PHLPP1: variants seen among roughly 807,000 people sequenced by gnomAD.
The protein encoded by PHLPP1 is PH domain leucine-rich repeat-containing protein phosphatase 1.
Under a neutral mutation model 117.2 loss-of-function variants are expected in PHLPP1, and 42 were observed. That is an observed-to-expected ratio of 0.36 (90% confidence interval 0.28 to 0.46). The LOEUF is 0.46. Ranked by LOEUF, PHLPP1 falls within the 20% of genes least tolerant of loss-of-function variation. PHLPP1 has a pLI of 1.00. For missense variants in PHLPP1, 2,084 were observed against 2,241.9 expected (o/e 0.93, Z 1.42); for synonymous variants, 1,042 against 970.7 (o/e 1.07, Z -1.37).
chr18:62,816,963 A>T (rs1914296638), intron 1 of PHLPP1, among the ~76,000 whole-genome samples: 1 of 152,182 alleles, frequency 6.6e-6, no homozygotes, highest in Non-Finnish European at 1.5e-5. Context: ...AATAGTAGAG[A>T]CAGGGTCTTG....
chr18:62,804,995 G>T (rs1226190783), intron 1 of PHLPP1, among the ~76,000 whole-genome samples: 3 of 135,172 alleles, frequency 2.2e-5, no homozygotes, highest in Admixed American at 7.4e-5. Flanking sequence ...ACACTGCATA[G>T]GTTATACATA....
Position 62,978,546 on chromosome 18 carries a change from T to C in PHLPP1, c.4269T>C (p.Ser1423=), listed in dbSNP as rs752306130. The C allele has an allele frequency of 6.2e-6, 10 of 1,611,964 alleles. No homozygotes were observed. Among genetic ancestry groups the C allele is most frequent in the Non-Finnish European group, 8.5e-6 (10 of 1,179,138 alleles). ...TCAGCGCTGTGGTGGTGCAGCTCAG[T>C]GTCACTGAGGACAGCTTCTGCTGCT... ...DSISAVVVQL[S]VTEDSFCCCE... Residue 1423 remains serine (S), a synonymous_variant, in exon 17 of 17, where the codon AGT becomes AGC. Coordinates refer to ENST00000262719, the MANE Select transcript of PHLPP1 (RefSeq NM_194449.4). This position sits in a 1 kb window ranked among gnomAD's most constrained non-coding sequence, Gnocchi z 7.0.
intron 10 of PHLPP1, among the ~76,000 whole-genome samples, chr18:62,931,878 GAAAA>G (rs61550621): frequency 1.3e-5 from 1 of 76,472 alleles, no homozygotes; most frequent in Non-Finnish European, 2.3e-5. Flanking sequence ...CTGGGCGACA[GAAAA>G]AAAAAAAAAA....
chr18:62,775,590 G>C (rs1329115915), intron 1 of PHLPP1, among the ~76,000 whole-genome samples: 4 of 152,190 alleles, frequency 2.6e-5, no homozygotes, highest in Non-Finnish European at 4.4e-5. Flanking sequence ...CCACAGTTGA[G>C]TGTGACTAAA....
chr18:62,765,872 C>T (rs1364016166), intron 1 of PHLPP1, among the ~76,000 whole-genome samples: 3 of 150,146 alleles, frequency 2.0e-5, no homozygotes, highest in Non-Finnish European at 4.4e-5. Context: ...GTGGCAGGTG[C>T]CTGTAGTCCC....
Position 62,862,670 on chromosome 18 carries a change from A to G in PHLPP1, c.2066+2069A>G, listed in dbSNP as rs528065769. Among the ~76,000 whole-genome samples, 15 of 152,310 alleles carry G rather than the reference A, an allele frequency of 9.8e-5. No individual in the cohort carries two copies. The South Asian group carries it at 3.1e-3, about 32-fold the overall frequency. On this transcript the variant is annotated intron_variant, in intron 4 of 16. Coordinates refer to ENST00000262719, the MANE Select transcript of PHLPP1 (RefSeq NM_194449.4). Reference sequence around the variant, plus strand: ...GGTTTGGCCCACAGCTCACATAATCAGATAAGTGTTTTCCTTGAGATGACT... The same window carrying G: ...GGTTTGGCCCACAGCTCACATAATCGGATAAGTGTTTTCCTTGAGATGACT...
chr18:62,725,892 G>GT (rs1395351609), intron 1 of PHLPP1, among the ~76,000 whole-genome samples: 4 of 152,232 alleles, frequency 2.6e-5, no homozygotes, highest in East Asian at 3.9e-4. Context: ...AAAAAAATGC[G>GT]TAAGTACACA....
chr18:62,780,212 G>A (rs1913078907), intron 1 of PHLPP1, among the ~76,000 whole-genome samples: 1 of 152,146 alleles, frequency 6.6e-6, no homozygotes, highest in Non-Finnish European at 1.5e-5. Context: ...TAAAACATCT[G>A]AAGGATTCAG....
chr18:62,963,692 G>T (rs1046294507), intron 14 of PHLPP1, among the ~76,000 whole-genome samples: 5 of 152,206 alleles, frequency 3.3e-5, no homozygotes, highest in African/African-American at 1.2e-4. Flanking sequence ...AGGAGACGTT[G>T]CTAGGATACA....
intron 3 of PHLPP1, among the ~76,000 whole-genome samples, chr18:62,851,070 G>T (rs1915336433): frequency 6.6e-6 from 1 of 152,150 alleles, no homozygotes. Flanking sequence ...CATCTCTCCA[G>T]TACCTGGTAT....
At chr18:62,738,308 A>G (rs1337110877) in intron 1 of PHLPP1, among the ~76,000 whole-genome samples, 1 of 152,138 alleles carries the variant, frequency 6.6e-6, no homozygotes, top group African/African-American at 2.4e-5. Context: ...GTGAGTTGTG[A>G]TGGTGCCACT....
At chr18:62,927,970 A>G (rs930522851) in intron 10 of PHLPP1, among the ~76,000 whole-genome samples, 1 of 152,300 alleles carries the variant, frequency 6.6e-6, no homozygotes, top group Non-Finnish European at 1.5e-5. Context: ...TATGACCACC[A>G]GTAAAAAGAT....
chr18:62,854,535 C>T (rs1035478062), intron 3 of PHLPP1, among the ~76,000 whole-genome samples: 2 of 152,152 alleles, frequency 1.3e-5, no homozygotes, highest in South Asian at 4.1e-4. Context: ...ATTTCTAAGG[C>T]TTAAACATAT....
chr18:62,724,516 G>C (rs189921171), intron 1 of PHLPP1, among the ~76,000 whole-genome samples: 207 of 152,288 alleles, frequency 1.4e-3, no homozygotes, highest in African/African-American at 4.9e-3. Context: ...GTGAGGTAAA[G>C]AATCTGGTCC....
chr18:62,861,626 T>C (rs1915635724), intron 4 of PHLPP1, among the ~76,000 whole-genome samples: 1 of 152,258 alleles, frequency 6.6e-6, no homozygotes, highest in Non-Finnish European at 1.5e-5. Context: ...AGTTCATTTG[T>C]TTTTACATGA....
chr18:62,911,216 A>G (rs1916944131), intron 8 of PHLPP1, among the ~76,000 whole-genome samples: 1 of 31,086 alleles, frequency 3.2e-5, no homozygotes, highest in South Asian at 8.4e-4. Flanking sequence ...AAACCTAGGC[A>G]TTACCATTCA....
chr18:62,824,578 A>T (rs1334826206), intron 1 of PHLPP1, among the ~76,000 whole-genome samples: 3 of 151,950 alleles, frequency 2.0e-5, no homozygotes, highest in African/African-American at 7.3e-5. Flanking sequence ...GTGTGTAGAT[A>T]CATCATATCT....
At chr18:62,957,630 TG>T (rs1457892526) in intron 12 of PHLPP1, among the ~76,000 whole-genome samples, 2 of 152,160 alleles carry the variant, frequency 1.3e-5, no homozygotes, top group African/African-American at 4.8e-5. Context: ...TGTTTTGTTT[TG>T]TTTTTTTTGA....
chr18:62,715,552 G>A lies in PHLPP1; in HGVS notation c.-132G>A, dbSNP rs1352398855. ...GCTCCGAATCGCCACATAATCCCCT[G>A]GAACGGCCGCGCACAACGCCATTGG... On this transcript the variant is annotated 5_prime_UTR_variant, in exon 1 of 17. Transcript: ENST00000262719. The A allele has an allele frequency of 1.1e-5, 5 of 475,204 alleles. No individual in the cohort carries two copies. The highest frequency in any genetic ancestry group is 4.0e-5 in the African/African-American group (2 of 49,814). The allele number at this position is 475,204 out of a possible 1,614,324, so 29.4% of individuals were successfully genotyped here. A position where few individuals can be genotyped will look rare whatever the true frequency, so the allele number is the denominator to read the frequency against.
Sources: gnomAD v4.1 joint callset for allele counts (sites outside exome capture counted in the v4.1 genomes callset) on GRCh38, gnomAD v4.1.1 for gene constraint, Gnocchi (gnomAD v3.1) non-coding constraint, MANE v1.5 for transcripts, NCBI Gene and HGNC (gene_info 2026-07-23, HGNC 2026-07-21) for gene names.